The following EXD3 variants were observed in gnomAD, a reference collection of about 807,000 sequenced individuals.
EXD3 encodes the protein exonuclease 3'-5' domain containing 3, also known as exonuclease mut-7 homolog.
EXD3 carries 92 observed loss-of-function variants against 98.0 expected under a neutral mutation model. The ratio of observed to expected loss-of-function variants is 0.94; its 90% CI spans 0.79 to 1.12. EXD3 has a LOEUF of 1.12. Among genes scored for constraint, EXD3 ranks in the 50% most tolerant of loss-of-function variants. The probability of loss-of-function intolerance (pLI) is 0.00; values close to 1 mark genes in which losing one functional copy is unlikely to be tolerated. For missense variants in EXD3, 1,222 were observed against 1,191.6 expected, an observed-to-expected ratio of 1.03 and a Z score of -0.38; for synonymous variants, 569 against 526.0, an observed-to-expected ratio of 1.08 and a Z score of -1.12.
chr9:137,398,919 G>A lies in EXD3; in HGVS notation c.-47-3515C>T, dbSNP rs545822256. ...GTCCCCAAGACACACAGGCAACCGCGTCTCCGTGACACATGTGCACCCGCG... is the reference window on the plus strand; with the variant it reads ...GTCCCCAAGACACACAGGCAACCGCATCTCCGTGACACATGTGCACCCGCG... On this transcript the variant is annotated intron_variant, in intron 1 of 21. Coordinates refer to ENST00000340951, the MANE Select transcript of EXD3 (RefSeq NM_017820.5). Among the ~76,000 whole-genome samples, 10 of 147,810 alleles carry A rather than the reference G, an allele frequency of 6.8e-5. No homozygotes were observed. In the East Asian group the frequency reaches 1.0e-3, roughly 15 times the overall value.
chr9:137,326,998 C>T (rs1184868631), intron 17 of EXD3, among the ~76,000 whole-genome samples: 1 of 151,966 alleles, frequency 6.6e-6, no homozygotes, highest in Non-Finnish European at 1.5e-5. Context: ...TGAAAGATGC[C>T]AGATACAAAT....
chr9:137,354,898 C>G (rs568509270), intron 8 of EXD3, 125 bp from the exon 9 acceptor site: 3 of 932,862 alleles, frequency 3.2e-6, no homozygotes, highest in South Asian at 3.3e-5. Context: ...ACCTCTGCCC[C>G]GGAGCCCACC....
At position 137,392,796 on chromosome 9, in the gene EXD3, G is replaced by C. The variant is rs1482137719; in HGVS notation, c.55+2507C>G. 7 of 330,820 alleles carry C rather than the reference G, an allele frequency of 2.1e-5. No individual in the cohort carries two copies. The Admixed American group carries it at 3.2e-4, about 15-fold the overall frequency. 20.5% of individuals were successfully genotyped at this position (330,820 alleles called of 1,614,324 possible). A position where few individuals can be genotyped will look rare whatever the true frequency, so the allele number is the denominator to read the frequency against. On this transcript the variant is annotated intron_variant, in intron 2 of 21. Transcript: ENST00000340951. ...CCGAGGCTGTTCCAGGGGGCATCGA[G>C]GCTGTTCTGTGGGGGGGCGCCGTGT...
At chr9:137,334,339 T>C (rs1335780842) in intron 17 of EXD3, among the ~76,000 whole-genome samples, 1 of 152,172 alleles carries the variant, frequency 6.6e-6, no homozygotes, top group Non-Finnish European at 1.5e-5. Context: ...AAGGGACTAA[T>C]ACAGTATAGT....
intron 19 of EXD3, among the ~76,000 whole-genome samples, chr9:137,316,089 C>T (rs1831637434): frequency 8.6e-5 from 2 of 23,162 alleles, no homozygotes; most frequent in Non-Finnish European, 2.6e-4. Context: ...CTCCCCCGGC[C>T]CCCCCCAGCC....
Position 137,349,134 on chromosome 9 carries a change from C to T in EXD3, c.1806G>A (p.Ala602=), listed in dbSNP as rs779244582. 13 of 1,599,114 alleles carry T rather than the reference C, an allele frequency of 8.1e-6. No individual in the cohort carries two copies. Among genetic ancestry groups the T allele is most frequent in the South Asian group, 3.3e-5 (3 of 90,668 alleles). ...GARKPPGLQK[A]SAPAAPRQVP... ...CCTGCCTGGGTGCGGCCGGTGCTGA[C>T]GCTTTCTGCAGGCCGGGTGGCTTCC... Residue 602 remains alanine, a synonymous_variant, in exon 16 of 22, where the codon GCG becomes GCA. Transcript: ENST00000340951. The surrounding 1 kb of genome is among the most constrained non-coding windows in gnomAD (Gnocchi z 7.4).
intron 17 of EXD3, among the ~76,000 whole-genome samples, chr9:137,334,116 C>T (rs1833235395): frequency 6.6e-6 from 1 of 152,170 alleles, no homozygotes; most frequent in Non-Finnish European, 1.5e-5. Context: ...ATTCCCCTGC[C>T]TCAGCCTCCC....
intron 1 of EXD3, among the ~76,000 whole-genome samples, chr9:137,401,404 C>G (rs112689587): frequency 6.6e-5 from 10 of 152,080 alleles, no homozygotes; most frequent in Non-Finnish European, 1.5e-4. Context: ...ATCTGCCTGC[C>G]TCGGCCTCCC....
chr9:137,351,295 G>A (rs1018051823), intron 13 of EXD3, 23 bp downstream of exon 13: 10 of 1,600,820 alleles, frequency 6.2e-6, no homozygotes, highest in Non-Finnish European at 8.5e-6. Flanking sequence ...GGACTGGGCA[G>A]GGGGCCCCAG....
chr9:137,414,770 G>A (rs1462944923), intron 1 of EXD3, among the ~76,000 whole-genome samples: 1 of 152,216 alleles, frequency 6.6e-6, no homozygotes, highest in Non-Finnish European at 1.5e-5. Context: ...AGGTGTGACA[G>A]GTGTGGGGTC....
At chr9:137,382,056 C>CAT (rs1836317826) in intron 3 of EXD3, among the ~76,000 whole-genome samples, 4 of 120,978 alleles carry the variant, frequency 3.3e-5, no homozygotes, top group African/African-American at 7.0e-5. Context: ...GGTGAGGGCG[C>CAT]GCGGAGGAGG....
intron 17 of EXD3, among the ~76,000 whole-genome samples, chr9:137,340,047 A>G (rs942932144): frequency 1.3e-5 from 2 of 152,242 alleles, no homozygotes; most frequent in Admixed American, 1.3e-4. Context: ...ACAGAAGACT[A>G]ATTCATCAAG....
chr9:137,400,827 G>GC (rs1013281891), intron 1 of EXD3, among the ~76,000 whole-genome samples: 59 of 151,584 alleles, frequency 3.9e-4, no homozygotes, highest in Non-Finnish European at 1.2e-4. Flanking sequence ...CAGGGCCCAC[G>GC]CAAGTCTGAA....
chr9:137,355,164 T>A (rs888293860), intron 8 of EXD3, among the ~76,000 whole-genome samples: 4 of 152,074 alleles, frequency 2.6e-5, no homozygotes, highest in African/African-American at 9.7e-5. Flanking sequence ...TGAAGCCCCA[T>A]GAGCGGCAGG....
At chr9:137,354,672 C>T (rs762673792) in intron 9 of EXD3, 28 bp downstream of exon 9, 7 of 1,608,842 alleles carry the variant, frequency 4.4e-6, no homozygotes, top group African/African-American at 1.3e-5. Flanking sequence ...CGGCTGGCTG[C>T]CCCCAGGACC....
At chr9:137,337,716 G>C (rs914856531) in intron 17 of EXD3, among the ~76,000 whole-genome samples, 1 of 151,940 alleles carries the variant, frequency 6.6e-6, no homozygotes, top group African/African-American at 2.4e-5. Context: ...GCATATGTTG[G>C]GGGGTAGGTG....
rs974615841 is a variant in EXD3 at position 137,385,192 on chromosome 9, G to A, written c.56-1815C>T. ...CTGGGTGGCACAGGCCAGTGTTCCCGTCTGCGCTCAGAACCGTCCCACCAT... is the reference window on the plus strand; with the variant it reads ...CTGGGTGGCACAGGCCAGTGTTCCCATCTGCGCTCAGAACCGTCCCACCAT... On this transcript the variant is annotated intron_variant, in intron 2 of 21. Transcript: ENST00000340951. The surrounding 1 kb of genome is among the most constrained non-coding windows in gnomAD (Gnocchi z 4.4). Among the ~76,000 whole-genome samples, 4 of 152,330 alleles carry A rather than the reference G, an allele frequency of 2.6e-5. No individual in the cohort carries two copies. The highest frequency in any genetic ancestry group is 3.4e-3 in the Middle Eastern group (1 of 294).
chr9:137,317,155 A>C (rs1016337531), intron 19 of EXD3, among the ~76,000 whole-genome samples: 2 of 152,098 alleles, frequency 1.3e-5, no homozygotes, highest in African/African-American at 2.4e-5. Flanking sequence ...CAGGAGAGGC[A>C]GCCCTGCCTC....
chr9:137,400,764 C>CAA (rs556834772), intron 1 of EXD3, among the ~76,000 whole-genome samples: 4 of 128,020 alleles, frequency 3.1e-5, no homozygotes, highest in Non-Finnish European at 6.8e-5. Context: ...GACTCCATCT[C>CAA]AAAAAAAAAA....
Sources: gnomAD v4.1 joint callset for allele counts (sites outside exome capture counted in the v4.1 genomes callset) on GRCh38, gnomAD v4.1.1 for gene constraint, Gnocchi (gnomAD v3.1) non-coding constraint, MANE v1.5 for transcripts, NCBI Gene and HGNC (gene_info 2026-07-23, HGNC 2026-07-21) for gene names.